The following HOMER3 variants were observed in gnomAD, a reference collection of about 807,000 sequenced individuals.
HOMER3 encodes homer scaffold protein 3, also known as homer protein homolog 3.
Under a neutral mutation model 45.5 loss-of-function variants are expected in HOMER3, and 34 were observed. That is an observed-to-expected ratio of 0.75 (90% CI 0.57 to 1.00). The LOEUF is 1.00. Among genes scored for constraint, HOMER3 ranks in the 50% least tolerant of loss-of-function variants. The pLI, the probability that HOMER3 is intolerant of heterozygous loss-of-function variation, is 0.00. For synonymous variants in HOMER3, 223 were observed against 208.8 expected, an observed-to-expected ratio of 1.07 and a Z score of -0.58; for missense variants, 480 against 497.5, an observed-to-expected ratio of 0.96 and a Z score of 0.33.
At chr19:18,938,590 C>T (rs2057119656) in intron 3 of HOMER3, 106 bp from the exon 4 acceptor site, 1 of 1,508,364 alleles carries the variant, frequency 6.6e-7, no homozygotes, top group Admixed American at 1.8e-5. Context: ...TTACTCTGAA[C>T]CCTTTCAGGA....
chr19:18,934,236 A>G (rs914272529), intron 5 of HOMER3, 67 bp downstream of exon 5: 22 of 904,880 alleles, frequency 2.4e-5, no homozygotes, highest in Middle Eastern at 3.1e-4. Context: ...AGGTCCCCCA[A>G]TATCAGTTGA....
At chr19:18,938,568 T>A in intron 3 of HOMER3, 84 bp from the exon 4 acceptor site, 1 of 1,526,088 alleles carries the variant, frequency 6.6e-7, no homozygotes, top group Non-Finnish European at 9.0e-7. Context: ...TGTATTAGGG[T>A]CTTGAAGGTC....
rs1214627694 is a variant in HOMER3, at chr19:18,931,988, C to G, written c.678G>C (p.Arg226=). ...QLEAQRAEAE[R]LRQRVAELEA... ...GGGGTGCCCTCACCCGCTGCCGCAG[C>G]CGCTCGGCCTCTGCACGCTGAGCCT... is the stretch of plus-strand genomic sequence containing the variant. Residue 226 remains arginine, a synonymous_variant, in exon 7 of 10, where the codon CGG becomes CGC. Coordinates refer to ENST00000392351, the MANE Select transcript of HOMER3 (RefSeq NM_004838.4). The G allele has an allele frequency of 1.3e-6, 2 of 1,532,010 alleles. No homozygotes were observed. The highest frequency in any genetic ancestry group is 1.4e-5 in the African/African-American group (1 of 72,506). The allele number at this position is 1,532,010 out of a possible 1,614,324, so 94.9% of individuals were successfully genotyped here. A position where few individuals can be genotyped will look rare whatever the true frequency, so the allele number is the denominator to read the frequency against.
intron 4 of HOMER3, among the ~76,000 whole-genome samples, chr19:18,934,882 T>G (rs1450885585): frequency 2.6e-5 from 4 of 151,720 alleles, no homozygotes; most frequent in African/African-American, 9.7e-5. Context: ...TTTTTTTTTT[T>G]TTTGAGATGG....
Position 18,929,809 on chromosome 19 carries a change from TTTTG to T in HOMER3, c.895-179_895-176del, listed in dbSNP as rs200859659. On this transcript the variant is annotated intron_variant, in intron 9 of 9. Coordinates refer to ENST00000392351, the MANE Select transcript of HOMER3 (RefSeq NM_004838.4). ...GGGGCCTAGCTTCTGCCCTCATTTC[TTTTG>T]TTTGTTTGTTTGTTTTTGAGAAGGA... Among the ~76,000 whole-genome samples, 1,427 of 152,272 alleles carry T rather than the reference TTTTG, an allele frequency of 9.4e-3. 15 individuals carry two copies. The highest frequency in any genetic ancestry group is 0.03 in the African/African-American group (1,259 of 41,568).
intron 9 of HOMER3, among the ~76,000 whole-genome samples, chr19:18,930,531 C>CAA (rs112541885): frequency 8.2e-6 from 1 of 121,818 alleles, no homozygotes. Flanking sequence ...GACTCCGTCT[C>CAA]AAAAAAAAAA....
intron 5 of HOMER3, among the ~76,000 whole-genome samples, 165 bp from the exon 6 acceptor site, chr19:18,933,210 G>A (rs183622364): frequency 1.3e-5 from 2 of 149,558 alleles, no homozygotes; most frequent in Admixed American, 1.3e-4. Context: ...CACCCTCCAT[G>A]GCTCCCTGTG....
chr19:18,937,668 T>G (rs1423794341), intron 4 of HOMER3, among the ~76,000 whole-genome samples: 1 of 117,086 alleles, frequency 8.5e-6, no homozygotes, highest in Admixed American at 1.0e-4. Flanking sequence ...CAAGGCATTA[T>G]CTCCAAAAAA....
intron 1 of HOMER3, chr19:18,940,314 T>TA (rs898292034): frequency 3.9e-5 from 6 of 152,308 alleles, no homozygotes; most frequent in Admixed American, 6.5e-5. Flanking sequence ...TGGGGAAAGT[T>TA]ACTCACCAAC....
chr19:18,934,170 C>A, intron 5 of HOMER3, 133 bp downstream of exon 5: 1 of 520,816 alleles, frequency 1.9e-6, no homozygotes, highest in South Asian at 2.9e-5. Flanking sequence ...AACCTTAGGT[C>A]ATCTGGAAGC....
intron 4 of HOMER3, among the ~76,000 whole-genome samples, chr19:18,937,442 C>T (rs571030421): frequency 1.3e-5 from 2 of 151,784 alleles, no homozygotes; most frequent in South Asian, 4.2e-4. Context: ...TTTGGGAGGC[C>T]GAGGCAGGTG....
At position 18,941,144 on chromosome 19, in the gene HOMER3, C is replaced by T. The variant is rs1387323103; in HGVS notation, c.-161G>A. Reference sequence around the variant, plus strand: ...CGCTGCCGGGCGCCCCGCTCGCTCCCTGGCTCCCGGGCCCGCGCCCTCCGC... The same window carrying T: ...CGCTGCCGGGCGCCCCGCTCGCTCCTTGGCTCCCGGGCCCGCGCCCTCCGC... On this transcript the variant is annotated 5_prime_UTR_variant, in exon 1 of 10. Transcript: ENST00000392351. The T allele has an allele frequency of 6.7e-6, 1 of 149,266 alleles. No individual in the cohort carries two copies. The highest frequency in any genetic ancestry group is 2.4e-5 in the African/African-American group (1 of 40,994). 9.2% of individuals were successfully genotyped at this position (149,266 alleles called of 1,614,324 possible).
At chr19:18,932,885 A>ACCCCCCCCCCCCC in intron 6 of HOMER3, 39 bp downstream of exon 6, 2 of 687,536 alleles carry the variant, frequency 2.9e-6, no homozygotes, top group Non-Finnish European at 4.2e-6. Context: ...CCCCACCCCT[A>ACCCCCCCCCCCCC]CCCCCGCCCC....
At chr19:18,932,801 C>A in intron 6 of HOMER3, 123 bp downstream of exon 6, 1 of 743,592 alleles carries the variant, frequency 1.3e-6, no homozygotes, top group Non-Finnish European at 2.0e-6. Context: ...TCATCCCCTT[C>A]CCCAGGTCTT....
intron 4 of HOMER3, among the ~76,000 whole-genome samples, chr19:18,935,892 C>CAT (rs1386079741): frequency 1.5e-4 from 21 of 144,608 alleles, no homozygotes; most frequent in African/African-American, 4.9e-4. Context: ...TGGTGGTGGG[C>CAT]GCCTGTAATC....
intron 4 of HOMER3, among the ~76,000 whole-genome samples, chr19:18,937,286 G>C (rs936293614): frequency 4.5e-5 from 6 of 133,296 alleles, no homozygotes; most frequent in Non-Finnish European, 9.4e-5. Context: ...ACTCCAGCCT[G>C]GACAGCAGAG....
intron 4 of HOMER3, among the ~76,000 whole-genome samples, chr19:18,935,978 C>T (rs1356102002): frequency 2.0e-5 from 3 of 150,678 alleles, no homozygotes; most frequent in East Asian, 3.9e-4. Context: ...GAGATTGTGC[C>T]ATTGCACTCC....
chr19:18,932,977 A>C lies in HOMER3; in HGVS notation c.480T>G (p.Ala160=). Reference sequence around the variant, plus strand: ...CGCGCTCTGTGGGGCCGGGGGCATCAGCGCTCTGGCTGCGGAACAGTTTTT... The same window carrying C: ...CGCGCTCTGTGGGGCCGGGGGCATCCGCGCTCTGGCTGCGGAACAGTTTTT... The part of the protein sequence containing the change: ...GEEKLFRSQS[A]DAPGPTERER... The change falls in exon 6 of 10, where the codon GCT becomes GCG. Residue 160 remains alanine (A), a synonymous_variant. Coordinates refer to ENST00000392351, the MANE Select transcript of HOMER3 (RefSeq NM_004838.4). 1 of 1,465,734 alleles carries C rather than the reference A, an allele frequency of 6.8e-7. No individual in the cohort carries two copies. The highest frequency in any genetic ancestry group is 2.8e-5 in the Admixed American group (1 of 35,396). 90.8% of individuals were successfully genotyped at this position (1,465,734 alleles called of 1,614,324 possible).
At chr19:18,940,729 A>C (rs1601292733) in intron 1 of HOMER3, 2 of 147,478 alleles carry the variant, frequency 1.4e-5, no homozygotes, top group African/African-American at 5.1e-5. Flanking sequence ...ACCCCCTGCC[A>C]CCCCTCCAGT....
Sources: gnomAD v4.1 joint callset for allele counts (sites outside exome capture counted in the v4.1 genomes callset) on GRCh38, gnomAD v4.1.1 for gene constraint, MANE v1.5 for transcripts, NCBI Gene and HGNC (gene_info 2026-07-23, HGNC 2026-07-21) for gene names.